Variants in CYREN observed in about 807,000 individuals in gnomAD.
CYREN encodes the protein cell cycle regulator of non-homologous end joining.
Under a neutral mutation model 9.7 loss-of-function variants are expected in CYREN, and 7 were observed. That is an observed-to-expected ratio of 0.72 (90% CI 0.41 to 1.36). The LOEUF (loss-of-function observed/expected upper bound fraction) is 1.36. CYREN is among the 40% of genes most tolerant of loss of function. The pLI is 0.01. For synonymous variants in CYREN, 76 were observed against 77.9 expected, an observed-to-expected ratio of 0.98 and a Z score of 0.13; for missense variants, 215 against 198.1, an observed-to-expected ratio of 1.09 and a Z score of -0.51.
rs907762416 is a variant in CYREN, at chr7:135,093,020, T to C, written n.1919A>G. The stretch of plus-strand genomic sequence containing the variant: ...GAGACACTCAACAAATTAGGAAAGA[T>C]AGAATCTTCCTCTACTAAAAAAAAA... On this transcript the variant is annotated non_coding_transcript_exon_variant, in exon 3 of 3. Coordinates refer to the CYREN transcript ENST00000459937. 8 of 144,520 alleles carry C rather than the reference T, an allele frequency of 5.5e-5. 1 individual carries two copies. Among genetic ancestry groups the C allele is most frequent in the African/African-American group, 2.0e-4 (8 of 39,554 alleles). 9.0% of individuals were successfully genotyped at this position (144,520 alleles called of 1,614,324 possible). A position where few individuals can be genotyped will look rare whatever the true frequency, so the allele number is the denominator to read the frequency against.
rs892395179 is a variant in CYREN, at chr7:135,135,300, T to C, written n.356+33449A>G. The C allele has an allele frequency of 9.8e-6, 14 of 1,428,674 alleles. No individual in the cohort carries two copies. In the African/African-American group the frequency reaches 1.7e-4, roughly 18 times the overall value. 88.5% of individuals were successfully genotyped at this position (1,428,674 alleles called of 1,614,324 possible). A position where few individuals can be genotyped will look rare whatever the true frequency, so the allele number is the denominator to read the frequency against. ...TGCTCTGAGAACTGTGAATGAAGGATAACATATGCTTATGTAGTAAAAAGA... is the reference window on the plus strand; with the variant it reads ...TGCTCTGAGAACTGTGAATGAAGGACAACATATGCTTATGTAGTAAAAAGA... On this transcript the variant is annotated intron_variant and non_coding_transcript_variant, in intron 2 of 2. Transcript: ENST00000459937.
chr7:135,133,482 CA>C (rs1226631546), intron 2 of CYREN, among the ~76,000 whole-genome samples: 1 of 152,020 alleles, frequency 6.6e-6, no homozygotes, highest in African/African-American at 2.4e-5. Flanking sequence ...TTTTGACAAA[CA>C]AGGATAAAAT....
At chr7:135,128,527 T>A in intron 2 of CYREN, 1 of 763,784 alleles carries the variant, frequency 1.3e-6, no homozygotes, top group Non-Finnish European at 2.5e-6. Context: ...AAAAGCAGTC[T>A]GTCCAAGGTG....
At chr7:135,118,581 T>A (rs929001269) in intron 2 of CYREN, among the ~76,000 whole-genome samples, 22 of 152,122 alleles carry the variant, frequency 1.4e-4, no homozygotes, top group African/African-American at 5.1e-4. Flanking sequence ...AGATCCAGAG[T>A]CTCATAACAT....
At chr7:135,143,147 A>G (rs1212994171) in intron 2 of CYREN, among the ~76,000 whole-genome samples, 2 of 152,128 alleles carry the variant, frequency 1.3e-5, no homozygotes, top group African/African-American at 2.4e-5. Context: ...AGGAACTTAA[A>G]ACCAGCCTGG....
intron 2 of CYREN, among the ~76,000 whole-genome samples, chr7:135,121,662 C>G (rs1033018491): frequency 6.6e-6 from 1 of 151,922 alleles, no homozygotes; most frequent in Non-Finnish European, 1.5e-5. Flanking sequence ...CTAGAAACAG[C>G]GGCATTCGGA....
downstream of CYREN, among the ~76,000 whole-genome samples, chr7:135,163,266 AG>A (rs1415855996): frequency 6.6e-6 from 1 of 152,268 alleles, no homozygotes; most frequent in African/African-American, 2.4e-5. Flanking sequence ...ACATCAGTAC[AG>A]GAAGAAAATA....
intron 2 of CYREN, among the ~76,000 whole-genome samples, chr7:135,160,132 C>A (rs1482773852): frequency 1.3e-5 from 2 of 152,176 alleles, no homozygotes; most frequent in African/African-American, 4.8e-5. Flanking sequence ...GTAATCCCAA[C>A]AGTGTAAAAC....
chr7:135,167,901 T>A, intron 2 of CYREN, 94 bp from the exon 3 acceptor site: 1 of 1,582,596 alleles, frequency 6.3e-7, no homozygotes, highest in African/African-American at 1.3e-5. Context: ...TCCCCCTGCC[T>A]TCCTACCACG....
In CYREN at chr7:135,155,658, C is replaced by T. The variant is rs970095542; in HGVS notation, n.356+13091G>A. Among the ~76,000 whole-genome samples, 11 of 152,156 alleles carry T rather than the reference C, an allele frequency of 7.2e-5. No individual in the cohort carries two copies. In the East Asian group the frequency reaches 9.7e-4, roughly 13 times the overall value. On this transcript the variant is annotated intron_variant and non_coding_transcript_variant, in intron 2 of 2. Transcript: ENST00000459937. Reference sequence around the variant, plus strand: ...TTGATGGAAGGTGGTCAAGACCAACCGGGGCAAAATAGCAAGATCTTGTCT... The same window carrying T: ...TTGATGGAAGGTGGTCAAGACCAACTGGGGCAAAATAGCAAGATCTTGTCT...
Position 135,096,398 on chromosome 7 carries a change from G to A in CYREN, n.357-1816C>T, listed in dbSNP as rs542096156. Among the ~76,000 whole-genome samples, 5 of 138,260 alleles carry A rather than the reference G, an allele frequency of 3.6e-5. No individual in the cohort carries two copies. The East Asian group carries it at 1.3e-3, about 36-fold the overall frequency. The allele number at this position is 138,260 out of a possible 152,430, so 90.7% of individuals were successfully genotyped here. ...GACAGACAGAGAAGGAAGGAAGGGA[G>A]GGAGGGAGGAAGGAAGGAAAGAAAG... On this transcript the variant is annotated intron_variant and non_coding_transcript_variant, in intron 2 of 2. Coordinates refer to the CYREN transcript ENST00000459937.
chr7:135,109,622 C>T (rs1003275674), intron 2 of CYREN, among the ~76,000 whole-genome samples: 4 of 152,256 alleles, frequency 2.6e-5, no homozygotes, highest in Admixed American at 2.0e-4. Context: ...CCTCTGGGAG[C>T]TCTGTCCCAG....
chr7:135,165,120 G>A (rs891176888), downstream of CYREN: 135 of 1,309,686 alleles, frequency 1.0e-4, no homozygotes, highest in Non-Finnish European at 1.3e-4. Context: ...CACTACAGAG[G>A]AGGTGGGGCC....
At chr7:135,129,452 G>C in intron 2 of CYREN, 1 of 779,714 alleles carries the variant, frequency 1.3e-6, no homozygotes, top group Non-Finnish European at 2.4e-6. Context: ...AAAGTAAGGA[G>C]TGGCTAGAGA....
intron 2 of CYREN, 107 bp downstream of exon 2, chr7:135,168,679 C>T (rs1830419529): frequency 1.4e-6 from 2 of 1,467,330 alleles, no homozygotes; most frequent in Non-Finnish European, 9.1e-7. Flanking sequence ...ACTGAAACAC[C>T]CGCCCATCTT....
intron 2 of CYREN, among the ~76,000 whole-genome samples, chr7:135,132,593 C>A (rs557306743): frequency 1.3e-5 from 2 of 152,108 alleles, no homozygotes; most frequent in Admixed American, 1.3e-4. Context: ...TTGTAATAAT[C>A]CCCACGTGTC....
At chr7:135,163,366 G>A (rs1046495375), downstream of CYREN, among the ~76,000 whole-genome samples, 1 of 152,160 alleles carries the variant, frequency 6.6e-6, no homozygotes, top group African/African-American at 2.4e-5. Flanking sequence ...TTCTGGCCAG[G>A]CATGGTGGCT....
intron 2 of CYREN, among the ~76,000 whole-genome samples, chr7:135,138,693 T>C (rs1000271498): frequency 1.3e-5 from 2 of 152,102 alleles, no homozygotes; most frequent in South Asian, 2.1e-4. Context: ...TCATCATTCA[T>C]GTAATAAGCA....
chr7:135,156,850 C>T (rs1329197832), intron 2 of CYREN, among the ~76,000 whole-genome samples: 3 of 152,086 alleles, frequency 2.0e-5, no homozygotes, highest in East Asian at 1.9e-4. Flanking sequence ...TGAGAGGGGA[C>T]GCCAGGGGAG....
Sources: allele counts gnomAD v4.1 joint callset (sites outside exome capture counted in the v4.1 genomes callset), GRCh38; gene constraint gnomAD v4.1.1; transcripts MANE v1.5; gene names NCBI Gene and HGNC (gene_info 2026-07-23, HGNC 2026-07-21).